The following GRHL3 variants were observed in gnomAD, a reference collection of about 807,000 sequenced individuals.
The protein encoded by GRHL3 is grainyhead like transcription factor 3, also known as grainyhead-like protein 3 homolog.
In GRHL3, 20 loss-of-function variants were observed where a neutral mutation model predicts 70.3. The observed-to-expected ratio is 0.28, with a 90% CI of 0.20 to 0.41. The LOEUF (loss-of-function observed/expected upper bound fraction) is 0.41. Among genes scored for constraint, GRHL3 ranks in the 10% least tolerant of loss-of-function variants. GRHL3 has a pLI of 1.00. For missense variants in GRHL3, 637 were observed against 762.3 expected (o/e 0.84, Z 1.94); for synonymous variants, 299 against 299.9 (o/e 1.00, Z 0.03).
downstream of GRHL3, chr1:24,357,750 T>C (rs556580229): frequency 5.7e-4 from 102 of 180,482 alleles, 1 homozygote; most frequent in Non-Finnish European, 1.6e-4. Context: ...CTAGGGCACA[T>C]TTCTTTTTCC....
chr1:24,339,971 TGTGA>T (rs1375103778), intron 8 of GRHL3, among the ~76,000 whole-genome samples: 2 of 152,138 alleles, frequency 1.3e-5, no homozygotes, highest in African/African-American at 2.4e-5. Context: ...TGGTCCAAAG[TGTGA>T]CTTTGGACCA....
intron 15 of GRHL3, among the ~76,000 whole-genome samples, chr1:24,362,255 T>G (rs1641171361): frequency 6.6e-6 from 1 of 152,216 alleles, no homozygotes; most frequent in African/African-American, 2.4e-5. Context: ...TTCAACCTCC[T>G]TAGTTTTCTA....
chr1:24,358,493 G>T, downstream of GRHL3: 1 of 1,465,764 alleles, frequency 6.8e-7, no homozygotes. Flanking sequence ...TGGGGACGCT[G>T]GGCAGGGTGG....
intron 15 of GRHL3, among the ~76,000 whole-genome samples, chr1:24,353,745 G>A (rs1338580392): frequency 6.6e-6 from 1 of 152,150 alleles, no homozygotes; most frequent in Non-Finnish European, 1.5e-5. Context: ...CATAAACAAT[G>A]GCTCTGACTC....
In GRHL3 at chr1:24,322,225, C is replaced by T. The variant is rs1022786209; in HGVS notation, c.17+2657C>T. Among the ~76,000 whole-genome samples, 6 of 152,164 alleles carry T rather than the reference C, an allele frequency of 3.9e-5. No individual in the cohort carries two copies. Among genetic ancestry groups the T allele is most frequent in the Non-Finnish European group, 7.4e-5 (5 of 68,024 alleles). On this transcript the variant is annotated intron_variant, in intron 1 of 15. Transcript: ENST00000361548. This position sits in a 1 kb window ranked among gnomAD's most constrained non-coding sequence, Gnocchi z 4.4. ...GTCCCCCGCGGCCTCGCTCCCTGCT[C>T]TCTGGGCCCCACCGCTGCCGCCTGG...
Position 24,347,550 on chromosome 1 carries a change from T to C in GRHL3, c.1626T>C (p.Asn542=), listed in dbSNP as rs770431420. The C allele has an allele frequency of 6.2e-7, 1 of 1,613,258 alleles. No individual in the cohort carries two copies. Among genetic ancestry groups the C allele is most frequent in the Non-Finnish European group, 8.5e-7 (1 of 1,179,204 alleles). The change falls in exon 14 of 16, where the codon AAT becomes AAC. Residue 542 remains asparagine (N), a synonymous_variant. Transcript: ENST00000361548. Reference sequence around the variant, plus strand: ...CCCCAGACCTGAAGGGGCTGAGGAATGCGGTAAGCTGCCTGTGGACCCCGC... The same window carrying C: ...CCCCAGACCTGAAGGGGCTGAGGAACGCGGTAAGCTGCCTGTGGACCCCGC... ...LKTPDLKGLR[N]AISEKYGFPE...
At position 24,327,214 on chromosome 1, in the gene GRHL3, T is replaced by G. The variant is rs1569859070; in HGVS notation, c.18-4212T>G. Among the ~76,000 whole-genome samples the G allele has an allele frequency of 6.6e-5, 10 of 152,346 alleles. No individual in the cohort carries two copies. The South Asian group carries it at 1.9e-3, about 28-fold the overall frequency. ...CCTACTGTAAAGTAGCCACCCCTAT[T>G]GACTCTCCATTATCTTACTATGTTA... On this transcript the variant is annotated intron_variant, in intron 1 of 15. Transcript: ENST00000361548.
chr1:24,364,066 C>T (rs745689182), intron 15 of GRHL3: 1 of 1,360,360 alleles, frequency 7.4e-7, no homozygotes, highest in Non-Finnish European at 9.6e-7. Flanking sequence ...CTTCCAGAAA[C>T]ACCCAACACA....
chr1:24,351,689 G>A (rs1198256844), intron 15 of GRHL3, among the ~76,000 whole-genome samples: 1 of 152,022 alleles, frequency 6.6e-6, no homozygotes, highest in Non-Finnish European at 1.5e-5. Context: ...TGGGGTGTGT[G>A]TACAAGGATG....
intron 8 of GRHL3, among the ~76,000 whole-genome samples, chr1:24,339,965 C>A (rs1397561002): frequency 6.6e-6 from 1 of 152,172 alleles, no homozygotes; most frequent in Admixed American, 6.5e-5. Flanking sequence ...ACCTATTGGT[C>A]CAAAGTGTGA....
Position 24,334,638 on chromosome 1 carries a change from T to C in GRHL3, c.205-7T>C. On this transcript the variant is annotated splice_region_variant and splice_polypyrimidine_tract_variant and intron_variant, in intron 2 of 15. Transcript: ENST00000361548. This position sits in a 1 kb window ranked among gnomAD's most constrained non-coding sequence, Gnocchi z 4.3. ...CATGCATAAATCCTTCCTTTCTCTC[T>C]TCTCAGGGTCCCAAGGAGAAGCGGA... 1 of 1,609,700 alleles carries C rather than the reference T, an allele frequency of 6.2e-7. No homozygotes were observed. Among genetic ancestry groups the C allele is most frequent in the Non-Finnish European group, 8.5e-7 (1 of 1,178,124 alleles).
intron 15 of GRHL3, among the ~76,000 whole-genome samples, chr1:24,353,106 A>G (rs1007162853): frequency 1.3e-5 from 2 of 152,226 alleles, no homozygotes; most frequent in African/African-American, 4.8e-5. Context: ...GATACAGTAG[A>G]AAGAGAAAAG....
chr1:24,344,764 G>T, intron 11 of GRHL3, 133 bp from the exon 12 acceptor site: 2 of 933,882 alleles, frequency 2.1e-6, no homozygotes, highest in Non-Finnish European at 3.5e-6. Flanking sequence ...GAGCAGAATG[G>T]GCTAGAAAGG....
At position 24,354,565 on chromosome 1, in the gene GRHL3, C is replaced by A; in HGVS notation, c.*77C>A. On this transcript the variant is annotated 3_prime_UTR_variant, in exon 16 of 16. Transcript: ENST00000361548. ...TGGCCCCACGCCACACACAACCTCT[C>A]CACATGCCTCAGCGCTGTTACTTGA... 1.1e-6 allele frequency: 1 copy of A among 881,022 alleles called. No individual in the cohort carries two copies. Among genetic ancestry groups the A allele is most frequent in the Non-Finnish European group, 1.9e-6 (1 of 526,360 alleles). The allele number at this position is 881,022 out of a possible 1,614,324, so 54.6% of individuals were successfully genotyped here. A position where few individuals can be genotyped will look rare whatever the true frequency, so the allele number is the denominator to read the frequency against.
At position 24,336,107 on chromosome 1, in the gene GRHL3, T is replaced by G. The variant is rs578233505; in HGVS notation, c.267-375T>G. 1.6e-4 allele frequency among the ~76,000 whole-genome samples: 25 copies of G among 152,278 alleles called. 1 individual carries two copies. The highest frequency in any genetic ancestry group is 1.3e-3 in the Admixed American group (20 of 15,292). On this transcript the variant is annotated intron_variant, in intron 3 of 15. Coordinates refer to ENST00000361548, the MANE Select transcript of GRHL3 (RefSeq NM_198173.3). ...TACACGTTTCTTCCACCCTCCCCAC[T>G]TTGTACACACCCCGCTAGGGTTGAC...
At chr1:24,335,727 CT>C (rs1639778211) in intron 3 of GRHL3, among the ~76,000 whole-genome samples, 2 of 152,150 alleles carry the variant, frequency 1.3e-5, no homozygotes, top group African/African-American at 4.8e-5. Flanking sequence ...GGACTACAGG[CT>C]CCCGCCACCT....
rs1406606481 is a variant in GRHL3, at chr1:24,321,476, G to A, written c.17+1908G>A. 4.6e-5 allele frequency among the ~76,000 whole-genome samples: 7 copies of A among 152,254 alleles called. No homozygotes were observed. Among genetic ancestry groups the A allele is most frequent in the Non-Finnish European group, 5.9e-5 (4 of 68,040 alleles). The stretch of plus-strand genomic sequence containing the variant: ...TCGACATTCTCCTAAAAAGTGCCAA[G>A]TTAAGAGGACTGGCCATAGCTTACA... On this transcript the variant is annotated intron_variant, in intron 1 of 15. Transcript: ENST00000361548. The surrounding 1 kb of genome is among the most constrained non-coding windows in gnomAD (Gnocchi z 4.0).
At chr1:24,333,070 C>T (rs913849243) in intron 2 of GRHL3, among the ~76,000 whole-genome samples, 5 of 152,202 alleles carry the variant, frequency 3.3e-5, no homozygotes, top group Non-Finnish European at 5.9e-5. Flanking sequence ...CAATCCAACT[C>T]CTTGTCCCCT....
At chr1:24,356,316 C>T (rs570611712), downstream of GRHL3, among the ~76,000 whole-genome samples, 3 of 152,050 alleles carry the variant, frequency 2.0e-5, no homozygotes, top group East Asian at 1.9e-4. Context: ...GATCTCGACT[C>T]GCTGCAAGCT....
Sources: allele counts gnomAD v4.1 joint callset (sites outside exome capture counted in the v4.1 genomes callset), GRCh38; gene constraint gnomAD v4.1.1; non-coding constraint Gnocchi (gnomAD v3.1); transcripts MANE v1.5; gene names NCBI Gene and HGNC (gene_info 2026-07-23, HGNC 2026-07-21).